The following CNTNAP2 variants were observed in gnomAD, a reference collection of about 807,000 sequenced individuals.
The protein encoded by CNTNAP2 is contactin-associated protein-like 2.
A neutral mutation model predicts 155.2 loss-of-function variants in CNTNAP2; 98 were observed. That is an observed-to-expected ratio of 0.63 (90% CI 0.54 to 0.75). The LOEUF (loss-of-function observed/expected upper bound fraction) is 0.75, where lower values mean the gene tolerates loss of function less well. CNTNAP2 is among the 30% of genes least tolerant of loss of function. The pLI, the probability that CNTNAP2 is intolerant of heterozygous loss-of-function variation, is 0.00. For missense variants in CNTNAP2, 1,727 were observed against 1,688.1 expected (o/e 1.02, Z -0.40); for synonymous variants, 651 against 631.2 (o/e 1.03, Z -0.47).
At chr7:146,983,401 C>A (rs1277170847) in intron 3 of CNTNAP2, among the ~76,000 whole-genome samples, 2 of 152,002 alleles carry the variant, frequency 1.3e-5, no homozygotes, top group Non-Finnish European at 2.9e-5. Context: ...AAAAAAGGTA[C>A]ACAATTTTAG....
chr7:147,278,893 A>G (rs1191238573), intron 8 of CNTNAP2, among the ~76,000 whole-genome samples: 1 of 151,556 alleles, frequency 6.6e-6, no homozygotes, highest in Admixed American at 6.6e-5. Context: ...ATAGGATTTT[A>G]TAACTGTACT....
At chr7:146,789,978 A>G (rs1231651921) in intron 2 of CNTNAP2, among the ~76,000 whole-genome samples, 1 of 151,722 alleles carries the variant, frequency 6.6e-6, no homozygotes, top group Non-Finnish European at 1.5e-5. Context: ...TTGTATGATC[A>G]TTATCAATCA....
intron 1 of CNTNAP2, among the ~76,000 whole-genome samples, chr7:146,139,109 G>A (rs34930172): frequency 0.12 from 18,865 of 152,070 alleles, 1,495 homozygotes; most frequent in Middle Eastern, 0.19. Context: ...TAGTGTATTG[G>A]TTGTTAACCC....
At chr7:146,846,129 C>G (rs1803836519) in intron 3 of CNTNAP2, among the ~76,000 whole-genome samples, 1 of 152,092 alleles carries the variant, frequency 6.6e-6, no homozygotes, top group Non-Finnish European at 1.5e-5. Flanking sequence ...GTCGCCTGCC[C>G]CTACATCTTC....
At chr7:146,821,999 G>A (rs891584379) in intron 2 of CNTNAP2, among the ~76,000 whole-genome samples, 306 of 151,966 alleles carry the variant, frequency 2.0e-3, no homozygotes, top group Non-Finnish European at 3.4e-3. Context: ...TATAAATCAT[G>A]CTGCTATAAA....
At chr7:148,100,083 G>C (rs1388490601) in intron 15 of CNTNAP2, among the ~76,000 whole-genome samples, 1 of 151,792 alleles carries the variant, frequency 6.6e-6, no homozygotes, top group Non-Finnish European at 1.5e-5. Context: ...TCTTGGCCAG[G>C]CTGGTCTTGA....
intron 1 of CNTNAP2, among the ~76,000 whole-genome samples, chr7:146,589,331 A>G (rs1188858172): frequency 6.6e-6 from 1 of 152,210 alleles, no homozygotes. Flanking sequence ...TCACAATAGC[A>G]AAGACTTGGA....
chr7:146,140,610 CATT>C (rs1211774895), intron 1 of CNTNAP2, among the ~76,000 whole-genome samples: 1 of 152,134 alleles, frequency 6.6e-6, no homozygotes, highest in African/African-American at 2.4e-5. Context: ...CAGCATCTCT[CATT>C]ATTTCTTTTG....
intron 8 of CNTNAP2, among the ~76,000 whole-genome samples, chr7:147,238,097 C>T: frequency 6.6e-6 from 1 of 152,196 alleles, no homozygotes; most frequent in East Asian, 1.9e-4. Context: ...TCACTACAAG[C>T]TCCGCCTCCC....
intron 1 of CNTNAP2, among the ~76,000 whole-genome samples, chr7:146,700,557 T>A (rs547573824): frequency 1.3e-5 from 2 of 152,222 alleles, no homozygotes; most frequent in African/African-American, 4.8e-5. Flanking sequence ...AAACTACCTG[T>A]GACAATGAAA....
rs112157341 is a variant in CNTNAP2, at chr7:147,148,623, C to G, written c.1348+16114C>G. ...AAAGATGGCGTGTCCAGAGTTTGTTCCTTCTGATGTTCAGATGTGTCCGAA... is the reference window on the plus strand; with the variant it reads ...AAAGATGGCGTGTCCAGAGTTTGTTGCTTCTGATGTTCAGATGTGTCCGAA... On this transcript the variant is annotated intron_variant, in intron 8 of 23. Coordinates refer to ENST00000361727, the MANE Select transcript of CNTNAP2 (RefSeq NM_014141.6). Among the ~76,000 whole-genome samples the G allele has an allele frequency of 9.0e-3, 1,367 of 152,150 alleles. 17 individuals are homozygous for G. The highest frequency in any genetic ancestry group is 0.032 in the African/African-American group (1,316 of 41,492).
intron 3 of CNTNAP2, among the ~76,000 whole-genome samples, chr7:146,906,141 G>A (rs1016265674): frequency 1.8e-4 from 27 of 152,182 alleles, no homozygotes; most frequent in South Asian, 4.1e-4. Context: ...CACCTGGCTC[G>A]GAGGGTCCTA....
intron 9 of CNTNAP2, among the ~76,000 whole-genome samples, chr7:147,390,601 G>T (rs561766501): frequency 6.6e-6 from 1 of 152,140 alleles, no homozygotes; most frequent in Admixed American, 6.6e-5. Flanking sequence ...CCTCCTAGGT[G>T]CCTCTCCATC....
chr7:147,139,883 ATTACCTTTGGTAAACATGGTATCAGG>A (rs1281036685), intron 8 of CNTNAP2, among the ~76,000 whole-genome samples: 1 of 152,092 alleles, frequency 6.6e-6, no homozygotes, highest in Non-Finnish European at 1.5e-5. Flanking sequence ...ATAGAAAGTA[ATTACCTTTGGTAAACATGGTATCAGG>A]AAATAATTAT....
chr7:146,147,245 T>C (rs1286951403), intron 1 of CNTNAP2, among the ~76,000 whole-genome samples: 1 of 152,146 alleles, frequency 6.6e-6, no homozygotes, highest in Non-Finnish European at 1.5e-5. Flanking sequence ...TTATGTTTAA[T>C]TGGGAAGGAA....
chr7:146,885,226 A>T (rs558881661), intron 3 of CNTNAP2, among the ~76,000 whole-genome samples: 1 of 152,184 alleles, frequency 6.6e-6, no homozygotes, highest in Non-Finnish European at 1.5e-5. Context: ...ACGTCTTTGG[A>T]TATTTACATT....
chr7:146,906,437 G>C (rs907937972), intron 3 of CNTNAP2, among the ~76,000 whole-genome samples: 62 of 152,212 alleles, frequency 4.1e-4, no homozygotes, highest in African/African-American at 1.3e-3. Context: ...GGTTCTCCCA[G>C]CACGCAGCTG....
intron 3 of CNTNAP2, among the ~76,000 whole-genome samples, chr7:146,970,634 A>T (rs568016992): frequency 6.6e-6 from 1 of 151,996 alleles, no homozygotes; most frequent in Non-Finnish European, 1.5e-5. Context: ...TAGTTCAACC[A>T]TTGTGGAAGT....
intron 1 of CNTNAP2, among the ~76,000 whole-genome samples, chr7:146,618,033 A>G (rs1440316246): frequency 1.3e-5 from 2 of 151,992 alleles, no homozygotes; most frequent in Non-Finnish European, 2.9e-5. Flanking sequence ...TAAAAAAAGT[A>G]AAGAAAAATA....
Sources: gnomAD v4.1 joint callset for allele counts (sites outside exome capture counted in the v4.1 genomes callset) on GRCh38, gnomAD v4.1.1 for gene constraint, MANE v1.5 for transcripts, NCBI Gene and HGNC (gene_info 2026-07-23, HGNC 2026-07-21) for gene names.